FHIP1A: variants seen among roughly 807,000 people sequenced by gnomAD.
FHIP1A encodes FHF complex subunit HOOK-interacting protein 1A.
FHIP1A carries 61 observed loss-of-function variants against 88.6 expected under a neutral mutation model. That is an observed-to-expected ratio of 0.69 (90% CI 0.56 to 0.85). FHIP1A has a LOEUF of 0.85. FHIP1A is among the 40% of genes least tolerant of loss of function. The pLI, the probability that FHIP1A is intolerant of heterozygous loss-of-function variation, is 0.00. For missense variants in FHIP1A, 1,154 were observed against 1,273.5 expected (o/e 0.91, Z 1.43); for synonymous variants, 478 against 496.0 (o/e 0.96, Z 0.48).
At chr4:151,555,462 C>T (rs1055287904) in intron 3 of FHIP1A, among the ~76,000 whole-genome samples, 1 of 152,080 alleles carries the variant, frequency 6.6e-6, no homozygotes, top group Non-Finnish European at 1.5e-5. Flanking sequence ...CTCTCCTCCT[C>T]CTCTTATTTT....
At chr4:151,621,248 G>A (rs1348084261) in intron 7 of FHIP1A, among the ~76,000 whole-genome samples, 1 of 152,082 alleles carries the variant, frequency 6.6e-6, no homozygotes. Flanking sequence ...CTGATGGGAT[G>A]CTCCTCTGTG....
chr4:151,556,563 G>A (rs1177783809), intron 3 of FHIP1A, among the ~76,000 whole-genome samples: 1 of 152,062 alleles, frequency 6.6e-6, no homozygotes, highest in African/African-American at 2.4e-5. Flanking sequence ...GGAACTCCGT[G>A]CAGATTTCAG....
intron 7 of FHIP1A, among the ~76,000 whole-genome samples, chr4:151,613,618 A>G (rs1417670529): frequency 1.3e-5 from 2 of 152,186 alleles, no homozygotes; most frequent in Non-Finnish European, 2.9e-5. Flanking sequence ...CATCAGTGAA[A>G]TATCTTAAGT....
intron 7 of FHIP1A, among the ~76,000 whole-genome samples, chr4:151,621,555 G>T (rs1391363630): frequency 2.0e-5 from 3 of 149,360 alleles, no homozygotes; most frequent in African/African-American, 4.9e-5. Context: ...GTGGCAGGGG[G>T]TGGTGGGGGG....
At chr4:151,522,982 T>C (rs1055910600) in intron 3 of FHIP1A, among the ~76,000 whole-genome samples, 1 of 152,236 alleles carries the variant, frequency 6.6e-6, no homozygotes, top group African/African-American at 2.4e-5. Flanking sequence ...CTCTTGCTGC[T>C]AATGAACATG....
chr4:151,412,580 T>TTCC (rs1199098736), intron 1 of FHIP1A, among the ~76,000 whole-genome samples: 21,640 of 110,464 alleles, frequency 0.2, 2,489 homozygotes, highest in Non-Finnish European at 0.27. Flanking sequence ...CTTTCTTTCC[T>TTCC]TTCTTTCCTT....
At chr4:151,409,601 A>T (rs560239063) in intron 1 of FHIP1A, 136 bp downstream of exon 1, 1 of 152,546 alleles carries the variant, frequency 6.6e-6, no homozygotes, top group African/African-American at 2.4e-5. Context: ...GGGCTGAGGG[A>T]GCAGGCATTG....
intron 3 of FHIP1A, among the ~76,000 whole-genome samples, chr4:151,543,993 A>G (rs1472581326): frequency 3.3e-5 from 5 of 152,180 alleles, no homozygotes; most frequent in Admixed American, 2.0e-4. Flanking sequence ...TGCTAACGTG[A>G]TAGATGATCT....
chr4:151,496,312 C>T (rs373585462), intron 3 of FHIP1A, among the ~76,000 whole-genome samples: 1 of 151,588 alleles, frequency 6.6e-6, no homozygotes, highest in African/African-American at 2.4e-5. Flanking sequence ...AACAAAAGCA[C>T]CACAAAGCTT....
chr4:151,481,332 A>C (rs1729886466), intron 2 of FHIP1A, among the ~76,000 whole-genome samples: 1 of 152,012 alleles, frequency 6.6e-6, no homozygotes, highest in African/African-American at 2.4e-5. Context: ...AATTGTATAT[A>C]TTATGTACAG....
intron 2 of FHIP1A, among the ~76,000 whole-genome samples, chr4:151,476,442 C>T (rs961573283): frequency 6.6e-6 from 1 of 151,992 alleles, no homozygotes; most frequent in African/African-American, 2.4e-5. Context: ...AGCCATTGCA[C>T]CTGGACCTAT....
intron 3 of FHIP1A, among the ~76,000 whole-genome samples, chr4:151,529,978 A>G (rs1202148090): frequency 6.6e-6 from 1 of 152,212 alleles, no homozygotes; most frequent in East Asian, 1.9e-4. Context: ...GTAAAATTTC[A>G]GAACTGTTTT....
intron 1 of FHIP1A, among the ~76,000 whole-genome samples, chr4:151,440,130 G>C (rs1728349835): frequency 1.3e-5 from 2 of 152,256 alleles, no homozygotes; most frequent in South Asian, 4.2e-4. Context: ...GCCAGCAGGG[G>C]AAGTGTCAGA....
chr4:151,429,457 C>T (rs1265897815), intron 1 of FHIP1A, among the ~76,000 whole-genome samples: 1 of 152,168 alleles, frequency 6.6e-6, no homozygotes. Flanking sequence ...CTCCTTATTT[C>T]ATAGCTGCTG....
At chr4:151,597,733 AGGAG>A (rs1318182060) in intron 7 of FHIP1A, among the ~76,000 whole-genome samples, 4 of 152,236 alleles carry the variant, frequency 2.6e-5, no homozygotes, top group Non-Finnish European at 5.9e-5. Flanking sequence ...CAGCCCAGAG[AGGAG>A]GAATCTAGAG....
At chr4:151,547,930 A>G (rs574201999) in intron 3 of FHIP1A, among the ~76,000 whole-genome samples, 1 of 152,208 alleles carries the variant, frequency 6.6e-6, no homozygotes, top group Admixed American at 6.5e-5. Flanking sequence ...AAAAGAAAAA[A>G]AAAAAAAGAT....
At chr4:151,621,742 G>C (rs1434091878) in intron 7 of FHIP1A, among the ~76,000 whole-genome samples, 2 of 151,830 alleles carry the variant, frequency 1.3e-5, no homozygotes, top group Non-Finnish European at 2.9e-5. Flanking sequence ...GCATTCAGTA[G>C]TATTGTCTTA....
At chr4:151,557,365 A>G (rs1022400993) in intron 3 of FHIP1A, among the ~76,000 whole-genome samples, 4 of 152,210 alleles carry the variant, frequency 2.6e-5, no homozygotes, top group Admixed American at 6.5e-5. Flanking sequence ...TGCAAAATCT[A>G]TCTGAAGCAA....
intron 1 of FHIP1A, among the ~76,000 whole-genome samples, chr4:151,429,955 C>T (rs1213541633): frequency 2.0e-5 from 3 of 151,844 alleles, no homozygotes; most frequent in Admixed American, 6.6e-5. Flanking sequence ...CCAAATTTGC[C>T]ACAGTTGAAA....
Sources: gnomAD v4.1 joint callset for allele counts (sites outside exome capture counted in the v4.1 genomes callset) on GRCh38, gnomAD v4.1.1 for gene constraint, MANE v1.5 for transcripts, NCBI Gene and HGNC (gene_info 2026-07-23, HGNC 2026-07-21) for gene names.